The following TLK1 variants were observed in gnomAD, a reference collection of about 807,000 sequenced individuals.
TLK1 encodes the protein tousled like kinase 1, also known as serine/threonine-protein kinase tousled-like 1.
Under a neutral mutation model 105.3 loss-of-function variants are expected in TLK1, and 24 were observed. That is an observed-to-expected ratio of 0.23 (90% CI 0.17 to 0.32). The LOEUF is 0.32. TLK1 is among the 10% of genes least tolerant of loss of function. TLK1 has a pLI of 1.00. For synonymous variants in TLK1, 321 were observed against 310.4 expected (o/e 1.03, Z -0.36); for missense variants, 558 against 910.5 (o/e 0.61, Z 4.98).
rs189395483 is a variant in TLK1 at position 171,071,808 on chromosome 2, G to A, written c.331-10652C>T. Among the ~76,000 whole-genome samples the A allele has an allele frequency of 4.7e-3, 714 of 152,204 alleles. 7 individuals are homozygous for A. Among genetic ancestry groups the A allele is most frequent in the African/African-American group, 0.016 (654 of 41,522 alleles). The stretch of plus-strand genomic sequence containing the variant: ...TCATTCTTCTGCATATGAATATCCA[G>A]TTTTCCCTGCACCATTTATTGAACA... On this transcript the variant is annotated intron_variant, in intron 3 of 20. Coordinates refer to ENST00000431350, the MANE Select transcript of TLK1 (RefSeq NM_012290.5).
At chr2:171,163,378 G>C (rs966054926), upstream of TLK1, among the ~76,000 whole-genome samples, 6 of 152,138 alleles carry the variant, frequency 3.9e-5, no homozygotes, top group African/African-American at 1.4e-4. Flanking sequence ...CTAAATACAT[G>C]CACTATAAGA....
intron 1 of TLK1, among the ~76,000 whole-genome samples, chr2:171,122,119 G>A (rs921636945): frequency 2.0e-5 from 3 of 152,216 alleles, no homozygotes; most frequent in Middle Eastern, 6.8e-3. Flanking sequence ...GCTAATTTTT[G>A]TATTTTTAGT....
intron 1 of TLK1, among the ~76,000 whole-genome samples, chr2:171,173,635 T>C (rs1304294997): frequency 6.6e-6 from 1 of 152,066 alleles, no homozygotes; most frequent in East Asian, 1.9e-4. Flanking sequence ...CAAGGCATCC[T>C]CCCCGCTCGG....
At chr2:171,100,486 T>C (rs887398561) in intron 2 of TLK1, among the ~76,000 whole-genome samples, 4 of 152,126 alleles carry the variant, frequency 2.6e-5, no homozygotes, top group African/African-American at 7.2e-5. Flanking sequence ...CACTTCCCCT[T>C]TGACCTTCTG....
intron 2 of TLK1, among the ~76,000 whole-genome samples, chr2:171,090,091 T>C (rs922818345): frequency 6.6e-6 from 1 of 152,218 alleles, no homozygotes; most frequent in Non-Finnish European, 1.5e-5. Flanking sequence ...ATTTGAATAT[T>C]GCATCTCATT....
At chr2:171,063,601 G>A (rs1687856240) in intron 3 of TLK1, among the ~76,000 whole-genome samples, 1 of 152,136 alleles carries the variant, frequency 6.6e-6, no homozygotes, top group Middle Eastern at 3.2e-3. Context: ...TGAAACAGTT[G>A]TATTGGAAAC....
chr2:171,145,647 C>T (rs1368978676), intron 1 of TLK1, among the ~76,000 whole-genome samples: 1 of 151,272 alleles, frequency 6.6e-6, no homozygotes. Flanking sequence ...TAAACATGTT[C>T]ATAATACCAT....
chr2:171,057,624 C>T (rs1687564489), intron 5 of TLK1, among the ~76,000 whole-genome samples: 1 of 152,008 alleles, frequency 6.6e-6, no homozygotes, highest in East Asian at 1.9e-4. Context: ...CTCAAGTAAA[C>T]ATAAATATTT....
intron 1 of TLK1, among the ~76,000 whole-genome samples, chr2:171,205,336 T>C (rs905901193): frequency 1.3e-5 from 2 of 152,088 alleles, no homozygotes; most frequent in Admixed American, 6.5e-5. Context: ...TTTTTTTTTT[T>C]TCCCCCAACA....
At chr2:171,015,702 TAC>T (rs1007413316) in intron 12 of TLK1, among the ~76,000 whole-genome samples, 13 of 5,838 alleles carry the variant, frequency 2.2e-3, no homozygotes, top group Middle Eastern at 0.038. Flanking sequence ...CACACACATA[TAC>T]ACACACACAC....
At chr2:171,041,183 AGTT>A (rs1686657764) in intron 11 of TLK1, among the ~76,000 whole-genome samples, 2 of 152,336 alleles carry the variant, frequency 1.3e-5, no homozygotes, top group African/African-American at 4.8e-5. Context: ...TAAAATTACA[AGTT>A]ATTACCTAAA....
intron 1 of TLK1, among the ~76,000 whole-genome samples, chr2:171,212,122 G>C (rs993309961): frequency 1.3e-5 from 2 of 152,116 alleles, no homozygotes; most frequent in Admixed American, 1.3e-4. Context: ...TTACAGGCGT[G>C]AGCCACCATG....
intron 1 of TLK1, among the ~76,000 whole-genome samples, chr2:171,205,229 T>C (rs2105322323): frequency 6.6e-6 from 1 of 152,200 alleles, no homozygotes; most frequent in Admixed American, 6.5e-5. Flanking sequence ...TAGGAGAATG[T>C]TGTCATTCAT....
chr2:171,138,945 A>G (rs1691456981), intron 1 of TLK1, among the ~76,000 whole-genome samples: 2 of 152,212 alleles, frequency 1.3e-5, no homozygotes, highest in Admixed American at 1.3e-4. Flanking sequence ...ACTACAATAC[A>G]TAAGATGAAA....
chr2:171,136,233 A>G (rs1691316220), intron 1 of TLK1, among the ~76,000 whole-genome samples: 1 of 152,238 alleles, frequency 6.6e-6, no homozygotes, highest in South Asian at 2.1e-4. Flanking sequence ...GACAAATACT[A>G]TATGATTCCA....
At chr2:171,082,271 T>C (rs1215118228) in intron 3 of TLK1, among the ~76,000 whole-genome samples, 1 of 151,724 alleles carries the variant, frequency 6.6e-6, no homozygotes, top group Non-Finnish European at 1.5e-5. Flanking sequence ...GATCAGTAAG[T>C]GGGTAAAAGG....
chr2:171,177,082 C>T (rs557716703), intron 1 of TLK1, among the ~76,000 whole-genome samples: 40 of 152,042 alleles, frequency 2.6e-4, no homozygotes, highest in African/African-American at 9.6e-4. Flanking sequence ...ATGTGTCTGC[C>T]TCTGCCTCCC....
At chr2:171,115,511 G>A (rs936031990) in intron 2 of TLK1, among the ~76,000 whole-genome samples, 4 of 152,028 alleles carry the variant, frequency 2.6e-5, no homozygotes, top group East Asian at 3.8e-4. Context: ...TACCATCTTC[G>A]TAGTCTAATG....
At chr2:171,041,200 C>G (rs1575543103) in intron 11 of TLK1, among the ~76,000 whole-genome samples, 1 of 152,314 alleles carries the variant, frequency 6.6e-6, no homozygotes, top group African/African-American at 2.4e-5. Context: ...ACCTAAAAAA[C>G]TGACTCTTGC....
Sources: allele counts gnomAD v4.1 joint callset (sites outside exome capture counted in the v4.1 genomes callset), GRCh38; gene constraint gnomAD v4.1.1; transcripts MANE v1.5; gene names NCBI Gene and HGNC (gene_info 2026-07-23, HGNC 2026-07-21).